Variants in ALDH1L1 observed in about 807,000 individuals in gnomAD.
The protein encoded by ALDH1L1 is aldehyde dehydrogenase 1 family member L1.
Under a neutral mutation model 101.1 loss-of-function variants are expected in ALDH1L1, and 68 were observed. The observed-to-expected ratio is 0.67, with a 90% confidence interval of 0.55 to 0.82. The LOEUF (loss-of-function observed/expected upper bound fraction) is 0.82, where lower values mean the gene tolerates loss of function less well. ALDH1L1 is among the 40% of genes least tolerant of loss of function. The probability of loss-of-function intolerance (pLI) is 0.00; values close to 1 mark genes in which losing one functional copy is unlikely to be tolerated. For synonymous variants in ALDH1L1, 486 were observed against 470.8 expected (o/e 1.03, Z -0.42); for missense variants, 1,087 against 1,172.7 (o/e 0.93, Z 1.07).
intron 17 of ALDH1L1, chr3:126,115,124 T>C (rs1463800587): frequency 2.2e-6 from 1 of 457,100 alleles, no homozygotes; most frequent in Non-Finnish European, 4.4e-6. Context: ...TGCACGCAGC[T>C]GGTGCTGCAC....
rs1393729252 is a variant in ALDH1L1 at position 126,150,503 on chromosome 3, T to A, written c.887A>T (p.Asp296Val). 11 of 1,551,366 alleles carry A rather than the reference T, an allele frequency of 7.1e-6. No individual in the cohort carries two copies. Among genetic ancestry groups the A allele is most frequent in the Non-Finnish European group, 7.0e-6 (8 of 1,146,874 alleles). ...GTTCGAGGCCAGGATCATTTTGCCA[T>A]CCTCCAGCTGAATATTCTTCACCAG... is the stretch of plus-strand genomic sequence containing the variant. ...MLLVKNIQLE[D>V]GKMILASNFF... Residue 296 changes from aspartate to valine, a missense_variant, in exon 8 of 23, where the codon GAT becomes GTT. By Grantham distance (152) the Asp-to-Val change is radical. Transcript: ENST00000393434.
intron 4 of ALDH1L1, 159 bp from the exon 5 acceptor site, chr3:126,155,662 A>G: frequency 1.8e-6 from 1 of 564,704 alleles, no homozygotes; most frequent in South Asian, 2.5e-5. Flanking sequence ...CAAGGGAGTC[A>G]GCGTGAACCT....
chr3:126,135,657 G>A lies in ALDH1L1; in HGVS notation c.1350C>T (p.Ile450=), dbSNP rs768520796. Residue 450 remains isoleucine, a synonymous_variant, in exon 12 of 23, where the codon ATC becomes ATT. Transcript: ENST00000393434. ...TGACTTGGGCCAGGGATACCTGGCA[G>A]ATGACCTATAGTGGAAGCAGAGCCA... ...ETINPTDGSV[I]CQVSLAQVTD... is the part of the protein sequence containing the mutation. 1.7e-5 allele frequency: 27 copies of A among 1,560,904 alleles called. No homozygotes were observed. The highest frequency in any genetic ancestry group is 3.7e-5 in the Admixed American group (2 of 54,182).
intron 16 of ALDH1L1, among the ~76,000 whole-genome samples, chr3:126,123,279 A>G (rs2080114533): frequency 6.7e-6 from 1 of 148,798 alleles, no homozygotes. Context: ...TTTTTTTGAG[A>G]CAGAGTCTCG....
intron 12 of ALDH1L1, among the ~76,000 whole-genome samples, chr3:126,133,050 C>T (rs532640617): frequency 3.9e-5 from 6 of 152,346 alleles, no homozygotes; most frequent in South Asian, 2.1e-4. Flanking sequence ...TCCCCAGCTG[C>T]GAAGACAGGA....
intron 9 of ALDH1L1, among the ~76,000 whole-genome samples, chr3:126,142,316 G>A (rs2080584327): frequency 6.6e-6 from 1 of 152,166 alleles, no homozygotes. Context: ...AAAAAACTGA[G>A]AAGAGAACAC....
chr3:126,161,441 C>A (rs1195205319), intron 1 of ALDH1L1, among the ~76,000 whole-genome samples: 1 of 152,194 alleles, frequency 6.6e-6, no homozygotes, highest in Non-Finnish European at 1.5e-5. Context: ...AGGCTTATTC[C>A]TCTGAGCCAG....
rs1478866996 is a variant in ALDH1L1 at position 126,103,793 on chromosome 3, A to T, written c.2707T>A (p.Ter903ArgextTer60). The T allele has an allele frequency of 6.2e-7, 1 of 1,613,376 alleles. No homozygotes were observed. Among genetic ancestry groups the T allele is most frequent in the Non-Finnish European group, 8.5e-7 (1 of 1,179,782 alleles). Residue 903 changes from the stop codon to arginine (R), a stop_lost, in exon 23 of 23, where the codon TGA becomes AGA. Coordinates refer to ENST00000393434, the MANE Select transcript of ALDH1L1 (RefSeq NM_012190.4). ...TTTCTTCTCACAAAGACCTTTCTTC[A>T]GTATTCGAAGGTCACTGTCTTGACC... Reference protein sequence around the residue: ...LRVKTVTFEY* With the variant: ...LRVKTVTFEYR
intron 6 of ALDH1L1, among the ~76,000 whole-genome samples, chr3:126,154,277 C>T (rs2080862970): frequency 6.6e-6 from 1 of 152,172 alleles, no homozygotes; most frequent in Non-Finnish European, 1.5e-5. Context: ...AGTGGTGAGA[C>T]TCAAAATATT....
At chr3:126,130,486 G>A (rs577581021) in intron 13 of ALDH1L1, among the ~76,000 whole-genome samples, 193 bp from the exon 14 acceptor site, 1 of 152,390 alleles carries the variant, frequency 6.6e-6, no homozygotes, top group South Asian at 2.1e-4. Context: ...CTGGCAGGCA[G>A]AGCCCTTGGG....
chr3:126,155,652 C>T lies in ALDH1L1; in HGVS notation c.529-149G>A, dbSNP rs139801854. The T allele has an allele frequency of 5.1e-4, 300 of 589,476 alleles. 2 individuals are homozygous for T. Among genetic ancestry groups the T allele is most frequent in the African/African-American group, 2.7e-3 (143 of 52,854 alleles). 36.5% of individuals were successfully genotyped at this position (589,476 alleles called of 1,614,324 possible). The stretch of plus-strand genomic sequence containing the variant: ...ACCCAAGAAACACCTGCCATATGAA[C>T]AAGGGAGTCAGCGTGAACCTAACTT... On this transcript the variant is annotated intron_variant, in intron 4 of 22. Coordinates refer to ENST00000393434, the MANE Select transcript of ALDH1L1 (RefSeq NM_012190.4).
chr3:126,186,787 G>A (rs1232189740), intron 1 of ALDH1L1, among the ~76,000 whole-genome samples: 1 of 152,222 alleles, frequency 6.6e-6, no homozygotes, highest in Non-Finnish European at 1.5e-5. Context: ...GGGATCCGCA[G>A]ATGAGTGGCA....
intron 19 of ALDH1L1, among the ~76,000 whole-genome samples, chr3:126,111,751 T>C (rs1293340849): frequency 6.6e-6 from 1 of 152,214 alleles, no homozygotes; most frequent in Non-Finnish European, 1.5e-5. Context: ...TGAAACCATG[T>C]GTGGCGGTTG....
intron 1 of ALDH1L1, among the ~76,000 whole-genome samples, chr3:126,188,820 A>C (rs2081535848): frequency 6.6e-6 from 1 of 152,208 alleles, no homozygotes; most frequent in Non-Finnish European, 1.5e-5. Flanking sequence ...TGGGAGCATG[A>C]TACCAAGAGT....
chr3:126,135,520 A>C lies in ALDH1L1; in HGVS notation c.1472+15T>G. 5.0e-6 allele frequency: 8 copies of C among 1,602,410 alleles called. No homozygotes were observed. The highest frequency in any genetic ancestry group is 6.8e-6 in the Non-Finnish European group (8 of 1,176,904). On this transcript the variant is annotated intron_variant, in intron 12 of 22. Transcript: ENST00000393434. Reference sequence around the variant, plus strand: ...GATGGTGGCAGTGGCTGGCAGGTACATGTTGGGCTCCCACCTGTACATCAG... The same window carrying C: ...GATGGTGGCAGTGGCTGGCAGGTACCTGTTGGGCTCCCACCTGTACATCAG...
intron 4 of ALDH1L1, chr3:126,156,524 C>A (rs936998815): frequency 2.0e-5 from 3 of 152,446 alleles, no homozygotes; most frequent in African/African-American, 4.8e-5. Context: ...CTGGACAGCA[C>A]CTCTGCCTGT....
At chr3:126,149,571 G>A (rs1246673141) in intron 8 of ALDH1L1, among the ~76,000 whole-genome samples, 2 of 152,216 alleles carry the variant, frequency 1.3e-5, no homozygotes. Context: ...CCTTCAAGGT[G>A]TTCCACTTTC....
At chr3:126,122,631 A>G (rs1163981431) in intron 16 of ALDH1L1, among the ~76,000 whole-genome samples, 2 of 152,224 alleles carry the variant, frequency 1.3e-5, no homozygotes, top group Non-Finnish European at 2.9e-5. Flanking sequence ...GGTTTGTAAC[A>G]TATATAGATG....
chr3:126,193,104 A>C (rs1449714563), intron 1 of ALDH1L1, among the ~76,000 whole-genome samples: 1 of 152,178 alleles, frequency 6.6e-6, no homozygotes, highest in African/African-American at 2.4e-5. Flanking sequence ...TTAGGTTTTC[A>C]ATCTTGTCTA....
Sources: allele counts gnomAD v4.1 joint callset (sites outside exome capture counted in the v4.1 genomes callset), GRCh38; gene constraint gnomAD v4.1.1; transcripts MANE v1.5; gene names NCBI Gene and HGNC (gene_info 2026-07-23, HGNC 2026-07-21).